Variants in CASZ1 observed in about 807,000 individuals in gnomAD.
The protein encoded by CASZ1 is castor zinc finger 1.
Under a neutral mutation model 135.2 loss-of-function variants are expected in CASZ1, and 28 were observed. That is an observed-to-expected ratio of 0.21 (90% CI 0.15 to 0.28). The LOEUF is 0.28. CASZ1 is among the 10% of genes least tolerant of loss of function. CASZ1 has a pLI of 1.00. For synonymous variants in CASZ1, 1,068 were observed against 1,073.4 expected (o/e 0.99, Z 0.10); for missense variants, 2,161 against 2,453.3 (o/e 0.88, Z 2.52).
chr1:10,783,471 G>T (rs1640800154), intron 1 of CASZ1, among the ~76,000 whole-genome samples: 1 of 151,842 alleles, frequency 6.6e-6, no homozygotes. Context: ...AGGGGGTGGG[G>T]GTCACTGAAA....
rs1451337188 is a variant in CASZ1 at position 10,711,843 on chromosome 1, T to C, written c.-76-6299A>G. 6.6e-6 allele frequency among the ~76,000 whole-genome samples: 1 copy of C among 152,184 alleles called. No homozygotes were observed. Among genetic ancestry groups the C allele is most frequent in the African/African-American group, 2.4e-5 (1 of 41,442 alleles). On this transcript the variant is annotated intron_variant, in intron 2 of 20. Coordinates refer to ENST00000377022, the MANE Select transcript of CASZ1 (RefSeq NM_001079843.3). The surrounding 1 kb of genome is among the most constrained non-coding windows in gnomAD (Gnocchi z 4.4). Reference sequence around the variant, plus strand: ...CAGACAGACACAATAGGCCACAAGTTGTATGATTCCATTAATATGGAATAT... The same window carrying C: ...CAGACAGACACAATAGGCCACAAGTCGTATGATTCCATTAATATGGAATAT...
In CASZ1 at chr1:10,731,394, G is replaced by A. The variant is rs564206142; in HGVS notation, c.-76-25850C>T. Among the ~76,000 whole-genome samples the A allele has an allele frequency of 7.8e-4, 118 of 152,086 alleles. 2 individuals are homozygous for A. Among genetic ancestry groups the A allele is most frequent in the African/African-American group, 2.7e-3 (114 of 41,488 alleles). ...GCTCAGGAGTTTGCGACCAGCCTGGGAAACACAGTGAGACCTTATCTCTAC... is the reference window on the plus strand; with the variant it reads ...GCTCAGGAGTTTGCGACCAGCCTGGAAAACACAGTGAGACCTTATCTCTAC... On this transcript the variant is annotated intron_variant, in intron 2 of 20. Coordinates refer to ENST00000377022, the MANE Select transcript of CASZ1 (RefSeq NM_001079843.3).
At chr1:10,786,276 G>A (rs1242390393) in intron 1 of CASZ1, among the ~76,000 whole-genome samples, 2 of 152,140 alleles carry the variant, frequency 1.3e-5, no homozygotes, top group Non-Finnish European at 2.9e-5. Flanking sequence ...GGGAAAGAAA[G>A]AGCAATGGCC....
intron 1 of CASZ1, among the ~76,000 whole-genome samples, chr1:10,783,142 G>A (rs1291954576): frequency 6.6e-6 from 1 of 152,128 alleles, no homozygotes; most frequent in Non-Finnish European, 1.5e-5. Flanking sequence ...GGCCACCCCC[G>A]CCTCCAGACA....
At chr1:10,658,611 A>T in intron 6 of CASZ1, 35 bp from the exon 7 acceptor site, 1 of 1,591,208 alleles carries the variant, frequency 6.3e-7, no homozygotes, top group Non-Finnish European at 8.6e-7. Context: ...GCCGGTGAGC[A>T]GATGGGGCAG....
At chr1:10,696,010 G>C (rs1638926405) in intron 3 of CASZ1, among the ~76,000 whole-genome samples, 1 of 152,192 alleles carries the variant, frequency 6.6e-6, no homozygotes, top group Non-Finnish European at 1.5e-5. Context: ...CAGGGCCCAG[G>C]CTTCCCTGGT....
rs765472382 is a variant in CASZ1, at chr1:10,651,003, G to A, written c.2754C>T (p.Gly918=). 22 of 1,570,512 alleles carry A rather than the reference G, an allele frequency of 1.4e-5. No individual in the cohort carries two copies. Among genetic ancestry groups the A allele is most frequent in the African/African-American group, 5.5e-5 (4 of 72,126 alleles). ...GGGAGGCTTCGTGGGGGCCTGGGGC[G>A]CCGGTGCTCTCACCGGGTTCCGGCT... ...QVKPEPGEST[G]APGPHEASQD... The change falls in exon 12 of 21, where the codon GGC becomes GGT. Residue 918 remains glycine (G), a synonymous_variant. Transcript: ENST00000377022.
chr1:10,789,366 C>A (rs1640914016), intron 1 of CASZ1, among the ~76,000 whole-genome samples: 1 of 151,310 alleles, frequency 6.6e-6, no homozygotes, highest in Non-Finnish European at 1.5e-5. Context: ...TGCCTGCCCC[C>A]CGCACCCCCT....
chr1:10,766,308 A>G (rs139077827), intron 1 of CASZ1, among the ~76,000 whole-genome samples: 1 of 152,358 alleles, frequency 6.6e-6, no homozygotes, highest in East Asian at 1.9e-4. Flanking sequence ...CTGCCCAGGT[A>G]GGAATCCAGG....
At chr1:10,650,795 G>C (rs750959852) in intron 12 of CASZ1, 40 bp from the exon 13 acceptor site, 10 of 1,486,658 alleles carry the variant, frequency 6.7e-6, no homozygotes, top group Non-Finnish European at 9.3e-6. Context: ...TCAGACGGCC[G>C]GGGCCTGGGC....
At chr1:10,766,590 C>T (rs1304194105) in intron 1 of CASZ1, among the ~76,000 whole-genome samples, 5 of 152,056 alleles carry the variant, frequency 3.3e-5, no homozygotes, top group Non-Finnish European at 2.9e-5. Flanking sequence ...TGGTAACACC[C>T]GGGTAACGAG....
rs1040610115 is a variant in CASZ1 at position 10,767,470 on chromosome 1, A to T, written c.-233-6613T>A. On this transcript the variant is annotated intron_variant, in intron 1 of 20. Coordinates refer to ENST00000377022, the MANE Select transcript of CASZ1 (RefSeq NM_001079843.3). This position sits in a 1 kb window ranked among gnomAD's most constrained non-coding sequence, Gnocchi z 4.2. ...GGGACAGGGCGGGGGCGATGGGAGC[A>T]CAGGCTTCCCCTATTGCAAAGCCAG... 3.3e-5 allele frequency among the ~76,000 whole-genome samples: 5 copies of T among 152,314 alleles called. No individual in the cohort carries two copies. In the East Asian group the frequency reaches 9.7e-4, roughly 29 times the overall value.
chr1:10,666,643 G>T lies in CASZ1; in HGVS notation c.17-1072C>A, dbSNP rs1167484850. Among the ~76,000 whole-genome samples, 1 of 152,138 alleles carries T rather than the reference G, an allele frequency of 6.6e-6. No homozygotes were observed. ...ACAGCCGGAAGGAAGCCCTCATGAG[G>T]CGACTTGAGAGCCAGCGACCTCCCT... On this transcript the variant is annotated intron_variant, in intron 4 of 20. Coordinates refer to ENST00000377022, the MANE Select transcript of CASZ1 (RefSeq NM_001079843.3). This position sits in a 1 kb window ranked among gnomAD's most constrained non-coding sequence, Gnocchi z 5.2.
chr1:10,673,111 C>T (rs1315687735), intron 4 of CASZ1, among the ~76,000 whole-genome samples: 2 of 149,246 alleles, frequency 1.3e-5, no homozygotes, highest in African/African-American at 5.0e-5. Context: ...GAGGGCCCTG[C>T]GGAGGGGCTG....
chr1:10,737,746 C>T (rs1391265877), intron 2 of CASZ1, among the ~76,000 whole-genome samples: 3 of 152,256 alleles, frequency 2.0e-5, no homozygotes, highest in Non-Finnish European at 2.9e-5. Flanking sequence ...AAGGCCAGGG[C>T]CTGGCCCCAG....
intron 4 of CASZ1, among the ~76,000 whole-genome samples, chr1:10,680,658 G>A (rs1638385934): frequency 6.6e-6 from 1 of 152,156 alleles, no homozygotes; most frequent in South Asian, 2.1e-4. Context: ...TGAGGTCAGC[G>A]GGTGGAGAAG....
At chr1:10,765,129 G>A (rs1033652617) in intron 1 of CASZ1, among the ~76,000 whole-genome samples, 3 of 152,150 alleles carry the variant, frequency 2.0e-5, no homozygotes, top group African/African-American at 4.8e-5. Flanking sequence ...ACGGAGACGC[G>A]GGATTGGGAA....
Position 10,638,235 on chromosome 1 carries a change from A to G in CASZ1, c.*707T>C, listed in dbSNP as rs1557448991. The G allele has an allele frequency of 6.6e-6, 1 of 152,352 alleles. No individual in the cohort carries two copies. Among genetic ancestry groups the G allele is most frequent in the Non-Finnish European group, 1.5e-5 (1 of 68,018 alleles). 9.4% of individuals were successfully genotyped at this position (152,352 alleles called of 1,614,324 possible). ...GCGCATCCTTCCTGTTTGCACCACC[A>G]GGGTGGCCGAGACCCCGCCCCGGCC... On this transcript the variant is annotated 3_prime_UTR_variant, in exon 21 of 21. Coordinates refer to ENST00000377022, the MANE Select transcript of CASZ1 (RefSeq NM_001079843.3). The surrounding 1 kb of genome is among the most constrained non-coding windows in gnomAD (Gnocchi z 5.9).
rs901982823 is a variant in CASZ1 at position 10,735,209 on chromosome 1, C to T, written c.-77+25492G>A. Among the ~76,000 whole-genome samples the T allele has an allele frequency of 3.3e-5, 5 of 152,094 alleles. No homozygotes were observed. The highest frequency in any genetic ancestry group is 4.8e-5 in the African/African-American group (2 of 41,410). On this transcript the variant is annotated intron_variant, in intron 2 of 20. Transcript: ENST00000377022. This position sits in a 1 kb window ranked among gnomAD's most constrained non-coding sequence, Gnocchi z 5.1. ...GGCATCACAAAATTAGTTGTCATGG[C>T]GACGGGTTAATTACATCTCAAATTA... is the stretch of plus-strand genomic sequence containing the variant.
Sources: gnomAD v4.1 joint callset for allele counts (sites outside exome capture counted in the v4.1 genomes callset) on GRCh38, gnomAD v4.1.1 for gene constraint, Gnocchi (gnomAD v3.1) non-coding constraint, MANE v1.5 for transcripts, NCBI Gene and HGNC (gene_info 2026-07-23, HGNC 2026-07-21) for gene names.